MAP4: variants seen among roughly 807,000 people sequenced by gnomAD.
MAP4 encodes the protein microtubule associated protein 4.
Under a neutral mutation model 170.2 loss-of-function variants are expected in MAP4, and 76 were observed. That is an observed-to-expected ratio of 0.45 (90% CI 0.37 to 0.54). The LOEUF (loss-of-function observed/expected upper bound fraction) is 0.54, where lower values mean the gene tolerates loss of function less well. MAP4 is among the 20% of genes least tolerant of loss of function. The pLI, the probability that MAP4 is intolerant of heterozygous loss-of-function variation, is 0.00. For missense variants in MAP4, 2,506 were observed against 2,748.0 expected, an observed-to-expected ratio of 0.91 and a Z score of 1.97; for synonymous variants, 909 against 994.5, an observed-to-expected ratio of 0.91 and a Z score of 1.62.
chr3:48,083,769 C>T (rs536453428), intron 1 of MAP4, among the ~76,000 whole-genome samples: 16 of 151,568 alleles, frequency 1.1e-4, no homozygotes, highest in African/African-American at 3.4e-4. Flanking sequence ...TCTTGTTGCC[C>T]AGGCTGGAGT....
At chr3:48,002,248 A>G (rs1242869567) in intron 1 of MAP4, among the ~76,000 whole-genome samples, 3 of 141,470 alleles carry the variant, frequency 2.1e-5, no homozygotes, top group African/African-American at 8.1e-5. Context: ...TCTCAAAAAG[A>G]AAAAAAAAAG....
chr3:47,998,466 GCTCA>G (rs2100097236), intron 2 of MAP4, among the ~76,000 whole-genome samples, 168 bp downstream of exon 2: 1 of 152,096 alleles, frequency 6.6e-6, no homozygotes, highest in Non-Finnish European at 1.5e-5. Flanking sequence ...ACTCATGAAC[GCTCA>G]CTCAAAGGGT....
At chr3:47,973,742 A>T (rs1184912071) in intron 3 of MAP4, 1 of 985,360 alleles carries the variant, frequency 1.0e-6, no homozygotes, top group Non-Finnish European at 1.2e-6. Context: ...GATGTCAAAC[A>T]TGATTTTTAA....
intron 3 of MAP4, among the ~76,000 whole-genome samples, chr3:47,956,473 C>A (rs996815250): frequency 8.5e-5 from 13 of 152,138 alleles, no homozygotes; most frequent in Admixed American, 5.9e-4. Context: ...GAGGGCAGAA[C>A]GTTGAGGGGT....
intron 3 of MAP4, among the ~76,000 whole-genome samples, chr3:47,936,181 T>C (rs2100052701): frequency 6.6e-6 from 1 of 151,746 alleles, no homozygotes; most frequent in South Asian, 2.1e-4. Context: ...ACACCTGTAA[T>C]CCTAGCACTT....
At chr3:48,008,286 T>C (rs2100103492) in intron 1 of MAP4, among the ~76,000 whole-genome samples, 1 of 152,148 alleles carries the variant, frequency 6.6e-6, no homozygotes, top group African/African-American at 2.4e-5. Context: ...TTCCCTATGA[T>C]CAGCTGACAG....
intron 2 of MAP4, among the ~76,000 whole-genome samples, chr3:47,994,765 C>G (rs2100094385): frequency 6.6e-6 from 1 of 152,120 alleles, no homozygotes; most frequent in Non-Finnish European, 1.5e-5. Flanking sequence ...GCCTGGCCAA[C>G]AGGGCGAAAC....
At chr3:48,043,679 TA>T (rs1204926568) in intron 1 of MAP4, among the ~76,000 whole-genome samples, 6 of 152,184 alleles carry the variant, frequency 3.9e-5, no homozygotes, top group African/African-American at 1.4e-4. Flanking sequence ...AAAGGCTAGT[TA>T]GGGGGTACCC....
intron 10 of MAP4, among the ~76,000 whole-genome samples, chr3:47,885,752 G>A (rs1393319110): frequency 1.4e-5 from 2 of 146,942 alleles, no homozygotes; most frequent in African/African-American, 2.5e-5. Flanking sequence ...TTTTTGAGAC[G>A]GAATCTCGCT....
chr3:47,888,225 G>C (rs924564232), intron 10 of MAP4, among the ~76,000 whole-genome samples: 6 of 152,206 alleles, frequency 3.9e-5, no homozygotes, highest in African/African-American at 1.4e-4. Flanking sequence ...CAATCAGCAG[G>C]ATGTGGGTGG....
upstream of MAP4, among the ~76,000 whole-genome samples, chr3:48,021,275 T>G (rs2100110428): frequency 6.6e-6 from 1 of 152,170 alleles, no homozygotes; most frequent in Admixed American, 6.5e-5. Context: ...CTATAAGGTT[T>G]TATTTTATTT....
intron 10 of MAP4, among the ~76,000 whole-genome samples, chr3:47,886,349 G>A (rs2097586710): frequency 6.6e-6 from 1 of 152,138 alleles, no homozygotes; most frequent in South Asian, 2.1e-4. Flanking sequence ...CTCCCAGGCT[G>A]GAGCACAGTG....
At chr3:48,058,771 T>C (rs767108559) in intron 1 of MAP4, among the ~76,000 whole-genome samples, 1 of 151,990 alleles carries the variant, frequency 6.6e-6, no homozygotes, top group Non-Finnish European at 1.5e-5. Context: ...AGATACAATA[T>C]TATTTTATTT....
chr3:47,899,573 A>G (rs1019776546), intron 10 of MAP4, among the ~76,000 whole-genome samples: 1 of 152,244 alleles, frequency 6.6e-6, no homozygotes, highest in African/African-American at 2.4e-5. Context: ...TTTTATTTAT[A>G]TGACTTTCCC....
intron 1 of MAP4, among the ~76,000 whole-genome samples, chr3:48,012,896 CA>C (rs1373409773): frequency 4.6e-5 from 7 of 151,990 alleles, no homozygotes. Flanking sequence ...TTTTAAAATA[CA>C]CACACACACC....
At chr3:48,046,202 G>C (rs567931053) in intron 1 of MAP4, among the ~76,000 whole-genome samples, 2 of 151,442 alleles carry the variant, frequency 1.3e-5, no homozygotes, top group South Asian at 4.2e-4. Flanking sequence ...CATCTTTTTC[G>C]GCCAATTCTC....
At chr3:47,876,207 C>A (rs2095391274) in intron 11 of MAP4, among the ~76,000 whole-genome samples, 1 of 150,626 alleles carries the variant, frequency 6.6e-6, no homozygotes, top group African/African-American at 2.4e-5. Context: ...TCTCGGCTCA[C>A]TGCAAGCTCT....
intron 1 of MAP4, among the ~76,000 whole-genome samples, chr3:48,040,812 C>G (rs892907596): frequency 3.3e-5 from 5 of 152,186 alleles, no homozygotes; most frequent in Non-Finnish European, 5.9e-5. Context: ...CTGCCCGCCT[C>G]AGCCTCCCAA....
chr3:48,068,738 C>T (rs377059816), intron 1 of MAP4, among the ~76,000 whole-genome samples: 98 of 152,286 alleles, frequency 6.4e-4, no homozygotes, highest in African/African-American at 2.2e-3. Context: ...GAGCCAAGAT[C>T]GCACCACTGC....
Sources: gnomAD v4.1 joint callset for allele counts (sites outside exome capture counted in the v4.1 genomes callset) on GRCh38, gnomAD v4.1.1 for gene constraint, MANE v1.5 for transcripts, NCBI Gene and HGNC (gene_info 2026-07-23, HGNC 2026-07-21) for gene names.